Variants in RIPOR3 observed in about 807,000 individuals in gnomAD.
RIPOR3 encodes the protein family with sequence similarity 65 member C.
Under a neutral mutation model 114.3 loss-of-function variants are expected in RIPOR3, and 95 were observed. That is an observed-to-expected ratio of 0.83 (90% CI 0.70 to 0.99). The LOEUF is 0.99. RIPOR3 is among the 50% of genes least tolerant of loss of function. RIPOR3 has a pLI of 0.00. For synonymous variants in RIPOR3, 575 were observed against 543.8 expected (o/e 1.06, Z -0.80); for missense variants, 1,252 against 1,266.9 (o/e 0.99, Z 0.18).
chr20:50,669,676 G>T (rs2086392282), intron 1 of RIPOR3, among the ~76,000 whole-genome samples: 1 of 152,248 alleles, frequency 6.6e-6, no homozygotes, highest in Admixed American at 6.5e-5. Flanking sequence ...CAAGTTGAGA[G>T]GAAGGAAGCC....
At chr20:50,594,200 C>A (rs187528729) in intron 17 of RIPOR3, among the ~76,000 whole-genome samples, 1 of 149,636 alleles carries the variant, frequency 6.7e-6, no homozygotes, top group Non-Finnish European at 1.5e-5. Flanking sequence ...CGCTTGAACC[C>A]GGGAGGTAGA....
chr20:50,644,931 C>T (rs935651855), intron 1 of RIPOR3, among the ~76,000 whole-genome samples: 4 of 151,668 alleles, frequency 2.6e-5, no homozygotes, highest in African/African-American at 9.7e-5. Context: ...CCTCCACCTC[C>T]GTGGTTCAAG....
chr20:50,596,304 G>A (rs1355561728), intron 14 of RIPOR3, 41 bp from the exon 15 acceptor site: 1 of 1,612,666 alleles, frequency 6.2e-7, no homozygotes, highest in Admixed American at 1.7e-5. Flanking sequence ...CCAGTTAGCA[G>A]TTCAGCTCCC....
chr20:50,594,837 G>C, intron 16 of RIPOR3, 123 bp from the exon 17 acceptor site: 7 of 1,135,514 alleles, frequency 6.2e-6, no homozygotes, highest in South Asian at 1.6e-5. Flanking sequence ...GGCTTGATGC[G>C]AGGTCCCTTC....
At chr20:50,601,592 G>T (rs778595411) in intron 13 of RIPOR3, among the ~76,000 whole-genome samples, 1 of 152,192 alleles carries the variant, frequency 6.6e-6, no homozygotes, top group Non-Finnish European at 1.5e-5. Context: ...ATTTGCCTAG[G>T]TCAGCACCTC....
Position 50,671,422 on chromosome 20 carries a change from GCGCGCGCACA to G in RIPOR3, c.3+19694_3+19703del, listed in dbSNP as rs1288303492. ...CACATGAGCACGCGCGCGTGCACGC[GCGCGCGCACA>G]CACACACACACACACACACACACAC... On this transcript the variant is annotated intron_variant, in intron 1 of 21. Transcript: ENST00000327979. Among the ~76,000 whole-genome samples the G allele has an allele frequency of 4.8e-4, 9 of 18,886 alleles. No individual in the cohort carries two copies. In the East Asian group the frequency reaches 0.022, roughly 47 times the overall value. 12.4% of individuals were successfully genotyped at this position (18,886 alleles called of 152,430 possible).
intron 3 of RIPOR3, among the ~76,000 whole-genome samples, chr20:50,618,795 G>A (rs917893289): frequency 6.6e-6 from 1 of 152,194 alleles, no homozygotes; most frequent in Non-Finnish European, 1.5e-5. Context: ...ATATTTGTGG[G>A]CTGGGCACAG....
intron 3 of RIPOR3, 59 bp from the exon 4 acceptor site, chr20:50,616,139 T>G: frequency 6.5e-7 from 1 of 1,530,414 alleles, no homozygotes; most frequent in Non-Finnish European, 8.9e-7. Flanking sequence ...GGAAAGGAAG[T>G]AGGCCAAATG....
chr20:50,592,654 A>T, intron 18 of RIPOR3, 108 bp from the exon 19 acceptor site: 1 of 1,021,198 alleles, frequency 9.8e-7, no homozygotes, highest in Non-Finnish European at 1.3e-6. Context: ...CAAATCCCAG[A>T]CCCACCGGGA....
intron 1 of RIPOR3, among the ~76,000 whole-genome samples, chr20:50,660,856 G>T (rs928880005): frequency 3.4e-5 from 5 of 147,514 alleles, no homozygotes; most frequent in Non-Finnish European, 5.9e-5. Context: ...CTGGGCTCAA[G>T]GGATCCTCCC....
chr20:50,653,195 A>G (rs1405855963), intron 1 of RIPOR3: 2 of 152,282 alleles, frequency 1.3e-5, no homozygotes, highest in Non-Finnish European at 2.9e-5. Flanking sequence ...GCTAAGTGAA[A>G]GAAGCCAGAA....
chr20:50,636,586 G>A, intron 1 of RIPOR3: 1 of 985,620 alleles, frequency 1.0e-6, no homozygotes, highest in Middle Eastern at 5.2e-4. Context: ...CAAACCTTTG[G>A]TGGCAGACAG....
chr20:50,674,870 G>T (rs1012341124), intron 1 of RIPOR3, among the ~76,000 whole-genome samples: 2 of 151,768 alleles, frequency 1.3e-5, no homozygotes, highest in Non-Finnish European at 2.9e-5. Flanking sequence ...ATCACTTGAG[G>T]CCAGGAGTTC....
chr20:50,599,183 G>A (rs1292000581), intron 13 of RIPOR3, among the ~76,000 whole-genome samples: 2 of 152,094 alleles, frequency 1.3e-5, no homozygotes, highest in Admixed American at 6.6e-5. Context: ...CCTGATGTCC[G>A]GAGTTCAAGA....
At chr20:50,625,070 G>A (rs6020643) in intron 2 of RIPOR3, among the ~76,000 whole-genome samples, 1 of 136,760 alleles carries the variant, frequency 7.3e-6, no homozygotes, top group Non-Finnish European at 1.5e-5. Flanking sequence ...CAGTGCTTTT[G>A]TTTTTTTTTT....
Position 50,608,736 on chromosome 20 carries a change from C to T in RIPOR3, c.687G>A (p.Val229=). The change falls in exon 10 of 22, where the codon GTG becomes GTA. Residue 229 remains valine (V), a splice_region_variant and synonymous_variant. Coordinates refer to ENST00000327979, the MANE Select transcript of RIPOR3 (RefSeq NM_001290268.2). The part of the protein sequence containing the change: ...ARLCPGDHYE[V]LMRLGRQRWK... Reference sequence around the variant, plus strand: ...AACGCTGGCGGCCCAGACGCATGAGCACCTGTGAACCAGCCCGAGAGGGGC... The same window carrying T: ...AACGCTGGCGGCCCAGACGCATGAGTACCTGTGAACCAGCCCGAGAGGGGC... 6.2e-7 allele frequency: 1 copy of T among 1,613,976 alleles called. No homozygotes were observed. Among genetic ancestry groups the T allele is most frequent in the Non-Finnish European group, 8.5e-7 (1 of 1,179,900 alleles).
chr20:50,594,066 C>CAA (rs2083202340), intron 17 of RIPOR3, among the ~76,000 whole-genome samples: 1 of 151,950 alleles, frequency 6.6e-6, no homozygotes, highest in South Asian at 2.1e-4. Flanking sequence ...GTCAGGAGTT[C>CAA]GAGACCAGCC....
Position 50,594,725 on chromosome 20 carries a change from C to A in RIPOR3, c.2051-11G>T. 1 of 1,604,606 alleles carries A rather than the reference C, an allele frequency of 6.2e-7. No homozygotes were observed. On this transcript the variant is annotated splice_polypyrimidine_tract_variant and intron_variant, in intron 16 of 21. Transcript: ENST00000327979. ...AGGCCTGTGGGATGACTGAAAGCCC[C>A]AGTTCAGAAACCTGAATGGTGACTC...
chr20:50,636,254 TC>T (rs1442407194), intron 1 of RIPOR3, among the ~76,000 whole-genome samples: 1 of 152,228 alleles, frequency 6.6e-6, no homozygotes, highest in East Asian at 1.9e-4. Context: ...GTCCAGTTTG[TC>T]ACCTGCGACC....
Sources: allele counts gnomAD v4.1 joint callset (sites outside exome capture counted in the v4.1 genomes callset), GRCh38; gene constraint gnomAD v4.1.1; transcripts MANE v1.5; gene names NCBI Gene and HGNC (gene_info 2026-07-23, HGNC 2026-07-21).